Variants in SOX6 observed in about 807,000 individuals in gnomAD.
The protein encoded by SOX6 is transcription factor SOX-6.
In SOX6, 11 loss-of-function variants were observed where a neutral mutation model predicts 97.8. The observed-to-expected ratio is 0.11, with a 90% CI of 0.07 to 0.19. The LOEUF (loss-of-function observed/expected upper bound fraction) is 0.19. Among genes scored for constraint, SOX6 ranks in the 10% least tolerant of loss-of-function variants. The pLI, the probability that SOX6 is intolerant of heterozygous loss-of-function variation, is 1.00. For missense variants in SOX6, 810 were observed against 1,039.5 expected (o/e 0.78, Z 3.04); for synonymous variants, 360 against 371.4 (o/e 0.97, Z 0.35).
chr11:16,636,372 G>A (rs1207463330), intron 3 of SOX6, among the ~76,000 whole-genome samples: 1 of 152,138 alleles, frequency 6.6e-6, no homozygotes, highest in Non-Finnish European at 1.5e-5. Flanking sequence ...CTTCGTTTTG[G>A]TCAATTTCTC....
intron 3 of SOX6, among the ~76,000 whole-genome samples, chr11:16,651,011 C>G (rs1478265605): frequency 1.3e-5 from 2 of 151,902 alleles, no homozygotes; most frequent in Admixed American, 6.6e-5. Context: ...TGCATACAAA[C>G]CAGAAAATTT....
intron 6 of SOX6, among the ~76,000 whole-genome samples, chr11:16,143,479 A>T (rs1850204862): frequency 6.6e-6 from 1 of 152,226 alleles, no homozygotes; most frequent in Non-Finnish European, 1.5e-5. Flanking sequence ...TCATAATGAC[A>T]GGATCAAATT....
intron 4 of SOX6, among the ~76,000 whole-genome samples, chr11:16,199,523 T>C (rs998027096): frequency 6.6e-5 from 10 of 152,170 alleles, no homozygotes; most frequent in African/African-American, 2.4e-4. Flanking sequence ...CAGTAAACTA[T>C]AAATGTTTCT....
intron 6 of SOX6, among the ~76,000 whole-genome samples, chr11:16,163,493 G>A (rs1322175681): frequency 6.6e-6 from 1 of 152,170 alleles, no homozygotes; most frequent in Non-Finnish European, 1.5e-5. Flanking sequence ...TAGAAGGTTA[G>A]GTAGCATTCA....
chr11:16,108,613 T>C (rs1226637799), intron 7 of SOX6, among the ~76,000 whole-genome samples: 6 of 152,206 alleles, frequency 3.9e-5, no homozygotes, highest in Admixed American at 3.9e-4. Context: ...TCAAGAAATA[T>C]GTCTCTAATT....
chr11:16,369,200 G>A (rs1186020745), intron 1 of SOX6, among the ~76,000 whole-genome samples: 1 of 152,024 alleles, frequency 6.6e-6, no homozygotes, highest in African/African-American at 2.4e-5. Flanking sequence ...CCATTAGGAT[G>A]GCTATTACTA....
intron 3 of SOX6, among the ~76,000 whole-genome samples, chr11:16,636,331 G>A (rs114651832): frequency 0.019 from 2,912 of 152,246 alleles, 78 homozygotes; most frequent in African/African-American, 0.066. Flanking sequence ...CTGTCCCACC[G>A]GATTTCAGAC....
intron 4 of SOX6, among the ~76,000 whole-genome samples, chr11:16,584,665 C>G (rs1848073079): frequency 6.6e-6 from 1 of 152,172 alleles, no homozygotes; most frequent in Non-Finnish European, 1.5e-5. Flanking sequence ...CTTCTGGGAC[C>G]TAGTGGTCGA....
chr11:15,968,658 A>G lies in SOX6; in HGVS notation c.*4151T>C, dbSNP rs747771763. 6.6e-6 allele frequency: 1 copy of G among 152,302 alleles called. No individual in the cohort carries two copies. Among genetic ancestry groups the G allele is most frequent in the Admixed American group, 6.5e-5 (1 of 15,282 alleles). 9.4% of individuals were successfully genotyped at this position (152,302 alleles called of 1,614,324 possible). On this transcript the variant is annotated 3_prime_UTR_variant, in exon 16 of 16. Coordinates refer to ENST00000683767, the MANE Select transcript of SOX6 (RefSeq NM_001367873.1). Reference sequence around the variant, plus strand: ...GAAAGCAGCCTTTAATTTCAGCCCTAGAGTGATCACGCCCTTTTCAAACAC... The same window carrying G: ...GAAAGCAGCCTTTAATTTCAGCCCTGGAGTGATCACGCCCTTTTCAAACAC...
intron 4 of SOX6, among the ~76,000 whole-genome samples, chr11:16,227,918 C>A (rs1473692699): frequency 1.3e-5 from 2 of 152,182 alleles, no homozygotes; most frequent in African/African-American, 4.8e-5. Context: ...GAGACCCAGG[C>A]CGGGTGCAGT....
chr11:16,520,169 T>C lies in SOX6; in HGVS notation n.610-43781A>G, dbSNP rs4363552. Among the ~76,000 whole-genome samples, 476 of 152,370 alleles carry C rather than the reference T, an allele frequency of 3.1e-3. 4 individuals carry two copies. The highest frequency in any genetic ancestry group is 0.011 in the African/African-American group (449 of 41,596). On this transcript the variant is annotated intron_variant and non_coding_transcript_variant, in intron 4 of 5. Transcript: ENST00000524520. The stretch of plus-strand genomic sequence containing the variant: ...GGTTGTCTGTTTAATCTGTTGATTG[T>C]TTCTTTTGCTGTATAGAAGCTCTTT...
At chr11:16,098,548 A>C (rs1324773910) in intron 7 of SOX6, among the ~76,000 whole-genome samples, 3 of 151,878 alleles carry the variant, frequency 2.0e-5, no homozygotes, top group African/African-American at 7.2e-5. Flanking sequence ...CTGAAGAACC[A>C]AAACAAAGTA....
intron 1 of SOX6, among the ~76,000 whole-genome samples, chr11:16,407,869 T>G (rs1342079424): frequency 2.0e-5 from 3 of 152,120 alleles, no homozygotes; most frequent in Non-Finnish European, 2.9e-5. Context: ...AAGAATTACC[T>G]AACTAATACA....
chr11:16,306,608 T>C (rs1855439678), intron 3 of SOX6, among the ~76,000 whole-genome samples: 1 of 139,472 alleles, frequency 7.2e-6, no homozygotes, highest in Non-Finnish European at 1.6e-5. Context: ...CATCCTCAAA[T>C]TTCTTTTTTT....
chr11:16,271,100 T>A lies in SOX6; in HGVS notation c.446-36429A>T, dbSNP rs563823356. 1.4e-4 allele frequency among the ~76,000 whole-genome samples: 21 copies of A among 151,494 alleles called. 1 individual carries two copies. The highest frequency in any genetic ancestry group is 4.6e-4 in the African/African-American group (19 of 41,524). On this transcript the variant is annotated intron_variant, in intron 3 of 15. Coordinates refer to ENST00000683767, the MANE Select transcript of SOX6 (RefSeq NM_001367873.1). ...TTTGAGTATTTTATCAAAAATGTGT[T>A]ACAAATTATTTTGCAGCTTTTTTCA...
At chr11:16,060,352 C>G (rs1231443726) in intron 9 of SOX6, among the ~76,000 whole-genome samples, 2 of 151,766 alleles carry the variant, frequency 1.3e-5, no homozygotes, top group Admixed American at 6.6e-5. Flanking sequence ...AGAGCTGGTT[C>G]TTGTGAGTTG....
Position 15,970,353 on chromosome 11 carries a change from C to A in SOX6, c.*2456G>T, listed in dbSNP as rs1295030004. ...TGGTCATAAAAACAAACAAAATTAA[C>A]CTACTATGCTAAATGTTTGCTTTTG... On this transcript the variant is annotated 3_prime_UTR_variant, in exon 16 of 16. Coordinates refer to ENST00000683767, the MANE Select transcript of SOX6 (RefSeq NM_001367873.1). 6.6e-6 allele frequency: 1 copy of A among 151,858 alleles called. No individual in the cohort carries two copies. The highest frequency in any genetic ancestry group is 1.5e-5 in the Non-Finnish European group (1 of 67,684). 9.4% of individuals were successfully genotyped at this position (151,858 alleles called of 1,614,324 possible). A position where few individuals can be genotyped will look rare whatever the true frequency, so the allele number is the denominator to read the frequency against.
At chr11:16,399,023 C>T (rs1858458276) in intron 1 of SOX6, among the ~76,000 whole-genome samples, 1 of 151,252 alleles carries the variant, frequency 6.6e-6, no homozygotes, top group Non-Finnish European at 1.5e-5. Flanking sequence ...AAAGAAAAGA[C>T]ATTACTGAAC....
chr11:16,253,962 G>A (rs2134203744), intron 3 of SOX6, among the ~76,000 whole-genome samples: 1 of 152,044 alleles, frequency 6.6e-6, no homozygotes, highest in East Asian at 1.9e-4. Flanking sequence ...GAAAAACCTT[G>A]AAAGAAGTCC....
Sources: gnomAD v4.1 joint callset for allele counts (sites outside exome capture counted in the v4.1 genomes callset) on GRCh38, gnomAD v4.1.1 for gene constraint, MANE v1.5 for transcripts, NCBI Gene and HGNC (gene_info 2026-07-23, HGNC 2026-07-21) for gene names.